MBTPS1: variants seen among roughly 807,000 people sequenced by gnomAD.
The protein encoded by MBTPS1 is membrane bound transcription factor peptidase, site 1, also known as membrane-bound transcription factor site-1 protease.
Under a neutral mutation model 127.8 loss-of-function variants are expected in MBTPS1, and 94 were observed. That is an observed-to-expected ratio of 0.74 (90% CI 0.62 to 0.87). The LOEUF (loss-of-function observed/expected upper bound fraction) is 0.87, where lower values mean the gene tolerates loss of function less well. Among genes scored for constraint, MBTPS1 ranks in the 40% least tolerant of loss-of-function variants. The pLI is 0.00. For synonymous variants in MBTPS1, 632 were observed against 509.4 expected, an observed-to-expected ratio of 1.24 and a Z score of -3.24; for missense variants, 1,636 against 1,353.2, an observed-to-expected ratio of 1.21 and a Z score of -3.28.
intron 14 of MBTPS1, among the ~76,000 whole-genome samples, chr16:84,068,865 G>A (rs906878386): frequency 5.3e-5 from 8 of 152,322 alleles, no homozygotes; most frequent in African/African-American, 1.7e-4. Flanking sequence ...CTAAGACAGC[G>A]GCACAGCTAA....
intron 1 of MBTPS1, among the ~76,000 whole-genome samples, chr16:84,106,902 C>A (rs530891131): frequency 6.6e-6 from 1 of 152,130 alleles, no homozygotes; most frequent in Non-Finnish European, 1.5e-5. Flanking sequence ...TGGGGGCACA[C>A]AAGTGAGGAT....
chr16:84,057,128 G>C (rs969302044), intron 21 of MBTPS1: 1 of 152,246 alleles, frequency 6.6e-6, no homozygotes, highest in Non-Finnish European at 1.5e-5. Flanking sequence ...GGTCTGAGTA[G>C]AGGTTCCCTA....
chr16:84,115,827 A>G (rs910474413), intron 1 of MBTPS1, among the ~76,000 whole-genome samples: 1 of 152,216 alleles, frequency 6.6e-6, no homozygotes, highest in Non-Finnish European at 1.5e-5. Context: ...TAAATTTACT[A>G]AAAACCACTG....
intron 11 of MBTPS1, among the ~76,000 whole-genome samples, chr16:84,079,500 T>C (rs1051694066): frequency 6.6e-6 from 1 of 152,142 alleles, no homozygotes; most frequent in African/African-American, 2.4e-5. Flanking sequence ...ACACTATAAC[T>C]GTATTCTGTA....
chr16:84,074,593 T>C lies in MBTPS1; in HGVS notation c.1593+4A>G, dbSNP rs1373233937. 1 of 1,613,200 alleles carries C rather than the reference T, an allele frequency of 6.2e-7. No individual in the cohort carries two copies. The highest frequency in any genetic ancestry group is 8.5e-7 in the Non-Finnish European group (1 of 1,179,506). ...TCAGAGACCAAGTCAGAGAGAAGTTTCACCTTATCTACAATTCTTCCTGTG... is the reference window on the plus strand; with the variant it reads ...TCAGAGACCAAGTCAGAGAGAAGTTCCACCTTATCTACAATTCTTCCTGTG... On this transcript the variant is annotated splice_donor_region_variant and intron_variant, in intron 12 of 22. Coordinates refer to ENST00000343411, the MANE Select transcript of MBTPS1 (RefSeq NM_003791.4).
chr16:84,090,094 G>C (rs2086082818), intron 8 of MBTPS1, among the ~76,000 whole-genome samples: 1 of 152,170 alleles, frequency 6.6e-6, no homozygotes, highest in Non-Finnish European at 1.5e-5. Context: ...CACGTTTTCT[G>C]ATATGCAAAC....
intron 1 of MBTPS1, among the ~76,000 whole-genome samples, chr16:84,114,316 C>T (rs961431376): frequency 2.0e-5 from 3 of 152,162 alleles, no homozygotes; most frequent in Admixed American, 6.5e-5. Flanking sequence ...TATTCTGGCA[C>T]ACTCCATCCA....
chr16:84,069,758 A>G, intron 14 of MBTPS1, 108 bp downstream of exon 14: 1 of 1,054,774 alleles, frequency 9.5e-7, no homozygotes, highest in East Asian at 2.4e-5. Context: ...ATCAGAGTCC[A>G]GGCTCCACGA....
intron 1 of MBTPS1, among the ~76,000 whole-genome samples, chr16:84,109,951 T>A (rs2086376592): frequency 6.6e-6 from 1 of 152,194 alleles, no homozygotes. Context: ...GGTCTGCAAT[T>A]TACTCTCAAA....
chr16:84,102,043 G>C lies in MBTPS1; in HGVS notation c.-260C>G, dbSNP rs1342926278. 5 of 406,156 alleles carry C rather than the reference G, an allele frequency of 1.2e-5. No homozygotes were observed. The highest frequency in any genetic ancestry group is 4.0e-5 in the African/African-American group (2 of 49,464). The allele number at this position is 406,156 out of a possible 1,614,324, so 25.2% of individuals were successfully genotyped here. ...ACTCAGGCCGTGACGACTGAGTCCT[G>C]TACTCCATTTGTACCACAGAACCAA... On this transcript the variant is annotated 5_prime_UTR_variant, in exon 2 of 23. It introduces an in-frame stop codon into an upstream open reading frame of the 5' UTR. Coordinates refer to ENST00000343411, the MANE Select transcript of MBTPS1 (RefSeq NM_003791.4).
chr16:84,061,588 G>C (rs530043209), intron 19 of MBTPS1: 2 of 152,332 alleles, frequency 1.3e-5, no homozygotes, highest in East Asian at 1.9e-4. Context: ...GACACCCCAG[G>C]GGGTGGAGGC....
intron 6 of MBTPS1, 26 bp from the exon 7 acceptor site, chr16:84,091,874 T>C: frequency 7.7e-7 from 1 of 1,305,402 alleles, no homozygotes; most frequent in South Asian, 1.2e-5. Flanking sequence ...AACAGTCTGC[T>C]TAGTGTTTCA....
intron 17 of MBTPS1, 27 bp downstream of exon 17, chr16:84,066,462 C>T: frequency 6.2e-7 from 1 of 1,611,816 alleles, no homozygotes. Context: ...ACACCTAAGA[C>T]CACGCCCTCA....
intron 11 of MBTPS1, 69 bp downstream of exon 11, chr16:84,081,678 T>G: frequency 8.3e-7 from 1 of 1,201,402 alleles, no homozygotes; most frequent in Non-Finnish European, 1.1e-6. Context: ...TTGTATTTTG[T>G]GCAGAGGGAA....
At chr16:84,115,723 G>A (rs761558523) in intron 1 of MBTPS1, among the ~76,000 whole-genome samples, 1 of 152,160 alleles carries the variant, frequency 6.6e-6, no homozygotes, top group Non-Finnish European at 1.5e-5. Flanking sequence ...CCTGTGGCGG[G>A]GCCTGGAAAT....
intron 15 of MBTPS1, 26 bp from the exon 16 acceptor site, chr16:84,067,849 G>A (rs763672948): frequency 1.3e-6 from 2 of 1,593,490 alleles, no homozygotes; most frequent in Middle Eastern, 1.7e-4. Flanking sequence ...CCAAAGCTGG[G>A]AACTGTCACT....
chr16:84,115,601 A>G (rs1002350808), intron 1 of MBTPS1, among the ~76,000 whole-genome samples: 2 of 152,266 alleles, frequency 1.3e-5, no homozygotes, highest in African/African-American at 4.8e-5. Context: ...CTGTGAAAAC[A>G]TGCTAAGTGA....
chr16:84,108,950 G>C (rs61356691), intron 1 of MBTPS1, among the ~76,000 whole-genome samples: 9,382 of 152,314 alleles, frequency 0.062, 412 homozygotes, highest in South Asian at 0.19. Context: ...CTGAATTTAA[G>C]GTTTTCAATA....
At chr16:84,104,390 GC>G (rs1321228696) in intron 1 of MBTPS1, among the ~76,000 whole-genome samples, 1 of 152,078 alleles carries the variant, frequency 6.6e-6, no homozygotes. Context: ...GATTGCTTTA[GC>G]CTGGAGGGTT....
Sources: allele counts gnomAD v4.1 joint callset (sites outside exome capture counted in the v4.1 genomes callset), GRCh38; gene constraint gnomAD v4.1.1; transcripts MANE v1.5; gene names NCBI Gene and HGNC (gene_info 2026-07-23, HGNC 2026-07-21).